Variants in TENM3 observed in about 807,000 individuals in gnomAD.
TENM3 encodes teneurin-3.
TENM3 carries 63 observed loss-of-function variants against 255.1 expected under a neutral mutation model. That is an observed-to-expected ratio of 0.25 (90% CI 0.20 to 0.30). TENM3 has a LOEUF of 0.30. Among genes scored for constraint, TENM3 ranks in the 10% least tolerant of loss-of-function variants. The pLI, the probability that TENM3 is intolerant of heterozygous loss-of-function variation, is 1.00. For missense variants in TENM3, 2,929 were observed against 3,461.1 expected, an observed-to-expected ratio of 0.85 and a Z score of 3.86; for synonymous variants, 1,306 against 1,322.3, an observed-to-expected ratio of 0.99 and a Z score of 0.27.
intron 13 of TENM3, among the ~76,000 whole-genome samples, chr4:182,726,857 A>G (rs1760236742): frequency 6.6e-6 from 1 of 152,138 alleles, no homozygotes. Context: ...CTTTTATCTC[A>G]GTTTGCTGTC....
At chr4:181,767,144 C>G in the TENM3 span, among the ~76,000 whole-genome samples, 1,162 of 143,760 alleles carry the variant, frequency 8.1e-3, 6 homozygotes, top group Middle Eastern at 0.029. Flanking sequence ...CCCAGCTACT[C>G]GGGAGGCTGA....
intron 3 of TENM3, among the ~76,000 whole-genome samples, chr4:182,362,198 C>G (rs1408057970): frequency 6.6e-6 from 1 of 152,258 alleles, no homozygotes; most frequent in African/African-American, 2.4e-5. Flanking sequence ...GGCAGTCTGC[C>G]CGTTCTCAGA....
the TENM3 span, among the ~76,000 whole-genome samples, chr4:181,555,488 A>G: frequency 6.6e-6 from 1 of 152,230 alleles, no homozygotes; most frequent in Non-Finnish European, 1.5e-5. Context: ...TAAATAACTC[A>G]ACAAGCAACC....
At chr4:182,343,217 G>T (rs1230831472) in intron 2 of TENM3, among the ~76,000 whole-genome samples, 1 of 152,122 alleles carries the variant, frequency 6.6e-6, no homozygotes, top group Non-Finnish European at 1.5e-5. Flanking sequence ...TAATCACAGT[G>T]AATTCCATCC....
chr4:182,235,663 A>G (rs1418480313), intron 1 of TENM3, among the ~76,000 whole-genome samples: 2 of 152,178 alleles, frequency 1.3e-5, no homozygotes, highest in Admixed American at 6.5e-5. Context: ...ACACACGACC[A>G]CACGGGAGCC....
At chr4:182,467,775 C>G (rs1271282775) in intron 3 of TENM3, among the ~76,000 whole-genome samples, 1 of 152,130 alleles carries the variant, frequency 6.6e-6, no homozygotes, top group East Asian at 1.9e-4. Context: ...ATAGTTTAAA[C>G]CCATCTTTAT....
the TENM3 span, among the ~76,000 whole-genome samples, chr4:181,861,666 T>A: frequency 6.6e-6 from 1 of 152,170 alleles, no homozygotes; most frequent in African/African-American, 2.4e-5. Context: ...ATAAGTAAAT[T>A]TATTGATAGC....
the TENM3 span, among the ~76,000 whole-genome samples, chr4:181,874,026 G>A: frequency 4.0e-5 from 6 of 151,874 alleles, no homozygotes; most frequent in Admixed American, 1.3e-4. Context: ...CTGGTGATTC[G>A]CCTGCCTTAG....
chr4:182,591,010 G>T (rs568927764), intron 3 of TENM3, among the ~76,000 whole-genome samples: 2 of 152,182 alleles, frequency 1.3e-5, no homozygotes, highest in African/African-American at 4.8e-5. Context: ...AACCCAAAGT[G>T]TAAGTTCCAC....
Position 182,800,039 on chromosome 4 carries a change from G to C in TENM3, c.7788G>C (p.Val2596=), listed in dbSNP as rs368823133. ...GCAGGACGCGCAGGTTCGCGGACGTGGAGATGCAGTTCGGCGCGCTGGCGC... is the reference window on the plus strand; with the variant it reads ...GCAGGACGCGCAGGTTCGCGGACGTCGAGATGCAGTTCGGCGCGCTGGCGC... ...VNGRTRRFAD[V]EMQFGALALH... Residue 2596 remains valine, a synonymous_variant, in exon 28 of 28, where the codon GTG becomes GTC. Transcript: ENST00000511685. The C allele has an allele frequency of 5.6e-6, 9 of 1,600,304 alleles. No homozygotes were observed. In the African/African-American group the frequency reaches 1.2e-4, roughly 21 times the overall value.
At chr4:182,424,978 T>G (rs1438087463) in intron 3 of TENM3, among the ~76,000 whole-genome samples, 1 of 152,214 alleles carries the variant, frequency 6.6e-6, no homozygotes, top group Non-Finnish European at 1.5e-5. Flanking sequence ...TGGTGTAATG[T>G]AGAACAAGAA....
At chr4:181,719,933 G>A in the TENM3 span, among the ~76,000 whole-genome samples, 1 of 152,120 alleles carries the variant, frequency 6.6e-6, no homozygotes, top group Non-Finnish European at 1.5e-5. Context: ...TCACAAATAT[G>A]TATTATGTGC....
the TENM3 span, among the ~76,000 whole-genome samples, chr4:181,574,525 G>A: frequency 7.4e-5 from 11 of 149,358 alleles, no homozygotes; most frequent in African/African-American, 2.5e-4. Context: ...GCGACAGAGC[G>A]AGACTCCGTC....
the TENM3 span, among the ~76,000 whole-genome samples, chr4:181,924,756 A>G: frequency 1.3e-5 from 2 of 152,162 alleles, no homozygotes; most frequent in Non-Finnish European, 2.9e-5. Flanking sequence ...TTTCTCCTCC[A>G]GAGACCTGAA....
chr4:182,205,111 T>C (rs140185794), intron 1 of TENM3, among the ~76,000 whole-genome samples: 256 of 152,312 alleles, frequency 1.7e-3, no homozygotes, highest in African/African-American at 5.8e-3. Context: ...TAATACTCAC[T>C]GGATAATTTA....
At chr4:181,657,595 A>T in the TENM3 span, among the ~76,000 whole-genome samples, 1 of 152,218 alleles carries the variant, frequency 6.6e-6, no homozygotes, top group Non-Finnish European at 1.5e-5. Context: ...TTTCTCAAAG[A>T]ACTTAAAACA....
chr4:182,037,150 A>ATTTT, the TENM3 span, among the ~76,000 whole-genome samples: 37 of 144,682 alleles, frequency 2.6e-4, no homozygotes, highest in Admixed American at 1.0e-3. Context: ...AACTCCTTTT[A>ATTTT]TTTTTTTTTT....
chr4:181,968,199 G>T, the TENM3 span, among the ~76,000 whole-genome samples: 341 of 152,264 alleles, frequency 2.2e-3, no homozygotes, highest in Non-Finnish European at 3.8e-3. Context: ...GAGACCTCCT[G>T]TTATGCTTCA....
chr4:181,971,807 G>A, the TENM3 span, among the ~76,000 whole-genome samples: 267 of 151,870 alleles, frequency 1.8e-3, 3 homozygotes, highest in East Asian at 0.05. Context: ...GGACTCAAGC[G>A]ATCCTCCTGC....
Sources: gnomAD v4.1 joint callset for allele counts (sites outside exome capture counted in the v4.1 genomes callset) on GRCh38, gnomAD v4.1.1 for gene constraint, MANE v1.5 for transcripts, NCBI Gene and HGNC (gene_info 2026-07-23, HGNC 2026-07-21) for gene names.